Variants in STAC observed in about 807,000 individuals in gnomAD.
STAC encodes SH3 and cysteine rich domain, also known as SH3 and cysteine-rich domain-containing protein.
In STAC, 43 loss-of-function variants were observed where a neutral mutation model predicts 48.8. The observed-to-expected ratio is 0.88, with a 90% CI of 0.69 to 1.14. The LOEUF (loss-of-function observed/expected upper bound fraction) is 1.14, where lower values mean the gene tolerates loss of function less well. Among genes scored for constraint, STAC ranks in the 50% most tolerant of loss-of-function variants. STAC has a pLI of 0.00. For missense variants in STAC, 497 were observed against 504.0 expected, an observed-to-expected ratio of 0.99 and a Z score of 0.13; for synonymous variants, 193 against 179.5, an observed-to-expected ratio of 1.07 and a Z score of -0.60.
chr3:36,384,403 G>T (rs1047359424), intron 1 of STAC, among the ~76,000 whole-genome samples: 1 of 152,118 alleles, frequency 6.6e-6, no homozygotes, highest in Non-Finnish European at 1.5e-5. Flanking sequence ...TGCTGATGGG[G>T]CTGCTACTAC....
intron 1 of STAC, among the ~76,000 whole-genome samples, chr3:36,411,137 T>A (rs550994652): frequency 6.6e-6 from 1 of 152,178 alleles, no homozygotes; most frequent in Non-Finnish European, 1.5e-5. Context: ...AAACCCCACA[T>A]CCAACCCACT....
chr3:36,408,300 C>A (rs938665642), intron 1 of STAC, among the ~76,000 whole-genome samples: 3 of 152,168 alleles, frequency 2.0e-5, no homozygotes, highest in Non-Finnish European at 2.9e-5. Context: ...TCTTCTTCCT[C>A]CTCTTCTTAT....
At chr3:36,489,751 C>G (rs1309134379) in intron 5 of STAC, among the ~76,000 whole-genome samples, 2 of 152,154 alleles carry the variant, frequency 1.3e-5, no homozygotes, top group African/African-American at 4.8e-5. Flanking sequence ...CAGGTTCTGC[C>G]AGCCCTTTGT....
intron 2 of STAC, among the ~76,000 whole-genome samples, chr3:36,462,921 TTA>T (rs1470445503): frequency 6.6e-6 from 1 of 152,166 alleles, no homozygotes; most frequent in Non-Finnish European, 1.5e-5. Context: ...AGAAGTCTAT[TTA>T]TATGATTGTT....
chr3:36,525,490 G>A (rs866112913), intron 8 of STAC, among the ~76,000 whole-genome samples: 4 of 151,652 alleles, frequency 2.6e-5, no homozygotes, highest in Non-Finnish European at 4.4e-5. Flanking sequence ...AATAGAGGTC[G>A]GATTGAGGCA....
chr3:36,449,480 C>T (rs1157642240), intron 2 of STAC, among the ~76,000 whole-genome samples: 2 of 152,124 alleles, frequency 1.3e-5, no homozygotes, highest in Non-Finnish European at 2.9e-5. Flanking sequence ...AAGGTCCATC[C>T]AGTGTTCTCA....
intron 6 of STAC, among the ~76,000 whole-genome samples, chr3:36,494,001 A>C (rs1559512955): frequency 6.6e-6 from 1 of 151,194 alleles, no homozygotes; most frequent in Non-Finnish European, 1.5e-5. Flanking sequence ...ATACAAAAAA[A>C]ATTAGCCGGG....
intron 1 of STAC, among the ~76,000 whole-genome samples, chr3:36,413,299 G>C (rs1025686691): frequency 6.6e-6 from 1 of 152,216 alleles, no homozygotes; most frequent in Non-Finnish European, 1.5e-5. Context: ...TTATTATTGT[G>C]TGGGAGTCTA....
chr3:36,405,173 A>C (rs912185217), intron 1 of STAC, among the ~76,000 whole-genome samples: 1 of 152,136 alleles, frequency 6.6e-6, no homozygotes, highest in African/African-American at 2.4e-5. Context: ...TGCTGGCCTC[A>C]CCTTGGGGCC....
intron 2 of STAC, among the ~76,000 whole-genome samples, chr3:36,454,546 G>A (rs1334966812): frequency 6.6e-6 from 1 of 152,072 alleles, no homozygotes; most frequent in East Asian, 1.9e-4. Context: ...ACCAATTCCA[G>A]ACACACATAT....
chr3:36,543,504 T>C (rs1421539797), intron 10 of STAC, among the ~76,000 whole-genome samples: 1 of 152,142 alleles, frequency 6.6e-6, no homozygotes, highest in African/African-American at 2.4e-5. Flanking sequence ...CATGAACCAT[T>C]GTGCTTCTTG....
intron 8 of STAC, among the ~76,000 whole-genome samples, chr3:36,515,555 C>T (rs1698650476): frequency 6.6e-6 from 1 of 152,138 alleles, no homozygotes; most frequent in African/African-American, 2.4e-5. Context: ...TCTTGTGAGA[C>T]TTTGATTAAT....
chr3:36,544,736 T>C (rs976054778), intron 10 of STAC, among the ~76,000 whole-genome samples: 35 of 152,330 alleles, frequency 2.3e-4, no homozygotes, highest in Middle Eastern at 3.4e-3. Flanking sequence ...GAAAATCAAG[T>C]ATTCCATCCC....
chr3:36,402,420 T>C (rs1700015158), intron 1 of STAC, among the ~76,000 whole-genome samples: 1 of 151,976 alleles, frequency 6.6e-6, no homozygotes, highest in Admixed American at 6.6e-5. Flanking sequence ...CTTGTATGCA[T>C]TATTCTGTTT....
chr3:36,537,726 A>T (rs546877051), intron 10 of STAC, among the ~76,000 whole-genome samples: 196 of 152,262 alleles, frequency 1.3e-3, no homozygotes, highest in African/African-American at 4.6e-3. Flanking sequence ...AAAAATTTTT[A>T]AAAAGAAAAC....
intron 6 of STAC, among the ~76,000 whole-genome samples, chr3:36,497,446 T>G (rs1698177097): frequency 6.6e-6 from 1 of 152,018 alleles, no homozygotes; most frequent in African/African-American, 2.4e-5. Flanking sequence ...CAATAAAACA[T>G]GAATTCAGAG....
At chr3:36,542,270 A>T (rs1699346913) in intron 10 of STAC, among the ~76,000 whole-genome samples, 1 of 152,196 alleles carries the variant, frequency 6.6e-6, no homozygotes, top group South Asian at 2.1e-4. Context: ...GACTCAGGCA[A>T]TGCTAACTGA....
rs770994546 is a variant in STAC at position 36,504,402 on chromosome 3, A to G, written c.776A>G (p.Tyr259Cys). ...CTCTTGTCTCCTTCAGTGTTTACAT[A>G]TCCAGAAAATGGCACTGATGATTTC... Reference protein sequence around the residue: ...LRKRSNSVFTYPENGTDDFRD... With the variant: ...LRKRSNSVFTCPENGTDDFRD... Residue 259 changes from tyrosine to cysteine, a missense_variant, in exon 7 of 11, where the codon TAT (tyrosine) becomes TGT (cysteine). Transcript: ENST00000273183. 1.2e-6 allele frequency: 2 copies of G among 1,613,268 alleles called. No homozygotes were observed. Among genetic ancestry groups the G allele is most frequent in the Non-Finnish European group, 1.7e-6 (2 of 1,179,432 alleles).
At chr3:36,527,979 A>G (rs1698976265) in intron 8 of STAC, among the ~76,000 whole-genome samples, 1 of 152,084 alleles carries the variant, frequency 6.6e-6, no homozygotes, top group African/African-American at 2.4e-5. Context: ...GATAATGATA[A>G]AGATAATGAC....
Sources: gnomAD v4.1 joint callset for allele counts (sites outside exome capture counted in the v4.1 genomes callset) on GRCh38, gnomAD v4.1.1 for gene constraint, MANE v1.5 for transcripts, NCBI Gene and HGNC (gene_info 2026-07-23, HGNC 2026-07-21) for gene names.